Variants in RBFOX1 observed in about 807,000 individuals in gnomAD.
The protein encoded by RBFOX1 is RNA binding protein fox-1 homolog 1.
A neutral mutation model predicts 57.7 loss-of-function variants in RBFOX1; 8 were observed. That is an observed-to-expected ratio of 0.14 (90% CI 0.08 to 0.25). The LOEUF (loss-of-function observed/expected upper bound fraction) is 0.25. RBFOX1 is among the 10% of genes least tolerant of loss of function. RBFOX1 has a pLI of 1.00. For synonymous variants in RBFOX1, 326 were observed against 222.4 expected (o/e 1.47, Z -4.15); for missense variants, 611 against 548.5 (o/e 1.11, Z -1.14).
At chr16:6,377,489 T>G (rs2091324187) in intron 2 of RBFOX1, among the ~76,000 whole-genome samples, 3 of 152,086 alleles carry the variant, frequency 2.0e-5, no homozygotes, top group Admixed American at 2.0e-4. Flanking sequence ...CATGAATGAA[T>G]GATAATGCTC....
chr16:5,465,344 C>A (rs2068920386), intron 1 of RBFOX1, among the ~76,000 whole-genome samples: 1 of 151,752 alleles, frequency 6.6e-6, no homozygotes, highest in South Asian at 2.1e-4. Flanking sequence ...TGGATCAGGG[C>A]CCAGTCTAAC....
intron 1 of RBFOX1, among the ~76,000 whole-genome samples, chr16:5,287,823 A>G (rs1212927176): frequency 2.6e-5 from 4 of 152,238 alleles, no homozygotes; most frequent in African/African-American, 9.6e-5. Context: ...GGCTGGAGAA[A>G]TATGCTCCGA....
At position 6,256,175 on chromosome 16, in the gene RBFOX1, A is replaced by ATATATATG. The variant is rs1567787725; in HGVS notation, c.-126-60813_-126-60812insGTATATAT. Among the ~76,000 whole-genome samples, 63 of 28,344 alleles carry ATATATATG rather than the reference A, an allele frequency of 2.2e-3. 6 individuals are homozygous for ATATATATG. The East Asian group carries it at 0.062, about 28-fold the overall frequency. The allele number at this position is 28,344 out of a possible 152,430, so 18.6% of individuals were successfully genotyped here. A position where few individuals can be genotyped will look rare whatever the true frequency, so the allele number is the denominator to read the frequency against. On this transcript the variant is annotated intron_variant, in intron 1 of 15. Transcript: ENST00000550418. ...TATATATATGTATATATATATGTAT[A>ATATATATG]TATATATATACGTATATATATGTAT...
At chr16:6,604,455 G>A (rs1267074614) in intron 2 of RBFOX1, among the ~76,000 whole-genome samples, 3 of 151,958 alleles carry the variant, frequency 2.0e-5, no homozygotes, top group African/African-American at 4.8e-5. Flanking sequence ...GTGCATTCTT[G>A]TTATATAAGA....
At chr16:5,757,914 C>T (rs753436224) in intron 3 of RBFOX1, among the ~76,000 whole-genome samples, 5 of 152,182 alleles carry the variant, frequency 3.3e-5, no homozygotes, top group Non-Finnish European at 7.3e-5. Context: ...TTCCCCTTCA[C>T]TACTCTCGCT....
At chr16:5,490,025 C>T (rs1005803973) in intron 2 of RBFOX1, among the ~76,000 whole-genome samples, 9 of 152,246 alleles carry the variant, frequency 5.9e-5, no homozygotes, top group East Asian at 3.9e-4. Flanking sequence ...AGGCTGACCT[C>T]GGCCACTGTT....
chr16:6,266,124 T>C (rs562669564), intron 1 of RBFOX1, among the ~76,000 whole-genome samples: 59 of 152,320 alleles, frequency 3.9e-4, no homozygotes, highest in African/African-American at 1.4e-3. Flanking sequence ...TAAGAGCCTC[T>C]ATCTGACTCA....
chr16:6,779,280 T>G (rs1402377530), intron 3 of RBFOX1, among the ~76,000 whole-genome samples: 1 of 152,114 alleles, frequency 6.6e-6, no homozygotes, highest in African/African-American at 2.4e-5. Context: ...TGTCTTTCTG[T>G]GCCTGGCTTA....
At chr16:7,253,042 T>A (rs2094550115) in intron 4 of RBFOX1, among the ~76,000 whole-genome samples, 1 of 152,190 alleles carries the variant, frequency 6.6e-6, no homozygotes, top group African/African-American at 2.4e-5. Context: ...GTTCTGCATC[T>A]TTTCCATCTT....
intron 1 of RBFOX1, among the ~76,000 whole-genome samples, chr16:6,311,732 A>C (rs976278260): frequency 6.6e-6 from 1 of 152,140 alleles, no homozygotes; most frequent in Admixed American, 6.5e-5. Flanking sequence ...GGTTACTGCT[A>C]AGCAGCTTCC....
intron 3 of RBFOX1, among the ~76,000 whole-genome samples, chr16:6,905,334 C>G (rs758613135): frequency 6.6e-6 from 1 of 151,836 alleles, no homozygotes; most frequent in East Asian, 1.9e-4. Flanking sequence ...CAGGTGGATC[C>G]CCTGAGGTTG....
At chr16:5,934,506 C>T (rs2059129637) in intron 4 of RBFOX1, among the ~76,000 whole-genome samples, 1 of 152,148 alleles carries the variant, frequency 6.6e-6, no homozygotes, top group African/African-American at 2.4e-5. Flanking sequence ...GCCAAGATAT[C>T]CTGGCCTAGT....
Position 7,108,843 on chromosome 16 carries a change from G to C in RBFOX1, c.27+56745G>C, listed in dbSNP as rs2064104965. ...AAATCCCCGTCAAGGATGGACTAGT[G>C]AAACGAGTCATGATATATATTTATG... On this transcript the variant is annotated intron_variant, in intron 4 of 15. Transcript: ENST00000550418. Among the ~76,000 whole-genome samples the C allele has an allele frequency of 1.3e-5, 2 of 152,158 alleles. 1 individual carries two copies. Among genetic ancestry groups the C allele is most frequent in the South Asian group, 4.1e-4 (2 of 4,826 alleles).
intron 4 of RBFOX1, among the ~76,000 whole-genome samples, chr16:7,098,025 G>T (rs1207885929): frequency 1.3e-5 from 2 of 152,212 alleles, no homozygotes; most frequent in Non-Finnish European, 2.9e-5. Context: ...AATGAGCTCA[G>T]TGATGGAGTA....
rs4787043 is a variant in RBFOX1, at chr16:7,534,929, T to A, written c.270+16540T>A. Among the ~76,000 whole-genome samples, 693 of 152,306 alleles carry A rather than the reference T, an allele frequency of 4.6e-3. 11 individuals carry two copies. The highest frequency in any genetic ancestry group is 0.016 in the African/African-American group (662 of 41,572). On this transcript the variant is annotated intron_variant, in intron 5 of 15. Transcript: ENST00000550418. ...TCAAGCGCTGCAGGCTTTCTGAGAA[T>A]TCAGTGTCCTGACACTGGGGCTGAG...
intron 4 of RBFOX1, among the ~76,000 whole-genome samples, chr16:7,173,158 TATAAC>T (rs1043918215): frequency 2.0e-5 from 3 of 152,220 alleles, no homozygotes; most frequent in South Asian, 2.1e-4. Flanking sequence ...TTTCTTGACT[TATAAC>T]AAAAATCATA....
intron 4 of RBFOX1, among the ~76,000 whole-genome samples, chr16:7,478,294 T>C (rs2063154980): frequency 3.9e-5 from 6 of 152,044 alleles, no homozygotes; most frequent in Admixed American, 3.9e-4. Flanking sequence ...GGGCAGAGAG[T>C]CACCTTGTTC....
At chr16:7,238,566 G>C (rs1334379638) in intron 4 of RBFOX1, among the ~76,000 whole-genome samples, 1 of 152,038 alleles carries the variant, frequency 6.6e-6, no homozygotes, top group African/African-American at 2.4e-5. Context: ...CTACTTCTGT[G>C]TTCTTCCCAT....
intron 2 of RBFOX1, among the ~76,000 whole-genome samples, chr16:5,504,347 T>C (rs539996399): frequency 6.6e-6 from 1 of 152,356 alleles, no homozygotes; most frequent in South Asian, 2.1e-4. Context: ...GACTTGGCTC[T>C]GCAACGCTTG....
Sources: allele counts gnomAD v4.1 joint callset (sites outside exome capture counted in the v4.1 genomes callset), GRCh38; gene constraint gnomAD v4.1.1; transcripts MANE v1.5; gene names NCBI Gene and HGNC (gene_info 2026-07-23, HGNC 2026-07-21).